The following STOX2 variants were observed in gnomAD, a reference collection of about 807,000 sequenced individuals.
The protein encoded by STOX2 is storkhead box 2.
Under a neutral mutation model 60.9 loss-of-function variants are expected in STOX2, and 28 were observed. That is an observed-to-expected ratio of 0.46 (90% CI 0.34 to 0.63). The LOEUF (loss-of-function observed/expected upper bound fraction) is 0.63. Among genes scored for constraint, STOX2 ranks in the 30% least tolerant of loss-of-function variants. STOX2 has a pLI of 0.01. For missense variants in STOX2, 1,024 were observed against 1,187.7 expected (o/e 0.86, Z 2.03); for synonymous variants, 472 against 463.9 (o/e 1.02, Z -0.22).
chr4:184,017,202 C>T lies in STOX2; in HGVS notation c.2699C>T (p.Ala900Val), dbSNP rs772398185. The T allele has an allele frequency of 6.2e-6, 10 of 1,612,500 alleles. No homozygotes were observed. Among genetic ancestry groups the T allele is most frequent in the South Asian group, 5.5e-5 (5 of 90,648 alleles). ...GGAGPAFNFR[A>V]SAEPPTNEAE... ...GCTGGTCCAGCCTTCAACTTCCGAG[C>T]GAGCGCGGAGCCCCCGACAAATGAA... The change falls in exon 4 of 4, where the codon GCG becomes GTG. Residue 900 changes from alanine (A) to valine (V), a missense_variant. By Grantham distance (64) the Ala-to-Val change is moderately conservative. Transcript: ENST00000308497.
At chr4:183,842,938 A>G (rs560424365) in intron 1 of STOX2, among the ~76,000 whole-genome samples, 169 of 152,244 alleles carry the variant, frequency 1.1e-3, no homozygotes, top group African/African-American at 3.9e-3. Flanking sequence ...TCACAAGGTC[A>G]GGAGTTCAAG....
chr4:183,853,550 AC>A (rs1740217685), intron 1 of STOX2: 1 of 152,228 alleles, frequency 6.6e-6, no homozygotes, highest in Non-Finnish European at 1.5e-5. Flanking sequence ...GAGATCCCAC[AC>A]CTTTCCTTGG....
At chr4:183,902,594 GGTTGTATA>G, upstream of STOX2, among the ~76,000 whole-genome samples, 1 of 152,208 alleles carries the variant, frequency 6.6e-6, no homozygotes, top group Non-Finnish European at 1.5e-5. Context: ...GGGACATAGG[GGTTGTATA>G]TGACCAGAGT....
rs1024907018 is a variant in STOX2, at chr4:183,905,606, G to A, written c.-1185G>A. 14 of 152,352 alleles carry A rather than the reference G, an allele frequency of 9.2e-5. No individual in the cohort carries two copies. The highest frequency in any genetic ancestry group is 2.6e-4 in the African/African-American group (11 of 41,574). The allele number at this position is 152,352 out of a possible 1,614,324, so 9.4% of individuals were successfully genotyped here. On this transcript the variant is annotated 5_prime_UTR_variant, in exon 1 of 4. Transcript: ENST00000308497. ...GCTGGCTCGCTGTCTCTCTCCGAGC[G>A]GGAGGGACCATCCTAAAAATATGTA...
chr4:183,949,261 CAAAT>C (rs1742995398), intron 1 of STOX2, among the ~76,000 whole-genome samples: 1 of 152,206 alleles, frequency 6.6e-6, no homozygotes, highest in Non-Finnish European at 1.5e-5. Flanking sequence ...AATTACAAAA[CAAAT>C]ACACAGGCTA....
intron 1 of STOX2, among the ~76,000 whole-genome samples, chr4:183,866,845 C>T (rs990854415): frequency 6.6e-6 from 1 of 152,148 alleles, no homozygotes; most frequent in Non-Finnish European, 1.5e-5. Flanking sequence ...GGTCACTACA[C>T]TCCAGCCTGA....
At chr4:183,835,670 A>G (rs538302951) in intron 1 of STOX2, among the ~76,000 whole-genome samples, 2 of 152,318 alleles carry the variant, frequency 1.3e-5, no homozygotes, top group Admixed American at 1.3e-4. Flanking sequence ...CAATAGAAAG[A>G]ACACTAGAAT....
rs1172352727 is a variant in STOX2 at position 183,994,022 on chromosome 4, G to C, written c.167-7303G>C. Among the ~76,000 whole-genome samples, 9 of 152,284 alleles carry C rather than the reference G, an allele frequency of 5.9e-5. No homozygotes were observed. In the East Asian group the frequency reaches 1.7e-3, roughly 29 times the overall value. Reference sequence around the variant, plus strand: ...AACAGCATTAATACATAAAATTGGGGTTAATAAATTGAATTAAATTGTAAA... The same window carrying C: ...AACAGCATTAATACATAAAATTGGGCTTAATAAATTGAATTAAATTGTAAA... On this transcript the variant is annotated intron_variant, in intron 1 of 3. Transcript: ENST00000308497.
intron 1 of STOX2, among the ~76,000 whole-genome samples, chr4:183,839,099 G>A (rs1164296774): frequency 6.6e-6 from 1 of 152,080 alleles, no homozygotes; most frequent in Non-Finnish European, 1.5e-5. Context: ...GAGACCCAGG[G>A]AAGAGTGGGT....
rs188742838 is a variant in STOX2 at position 183,938,266 on chromosome 4, A to G, written c.166+31310A>G. On this transcript the variant is annotated intron_variant, in intron 1 of 3. Transcript: ENST00000308497. Reference sequence around the variant, plus strand: ...CTACTGTAACTGTTATTAAAACAAAACATAAAAGCATTTTAGATACACATT... The same window carrying G: ...CTACTGTAACTGTTATTAAAACAAAGCATAAAAGCATTTTAGATACACATT... Among the ~76,000 whole-genome samples, 499 of 152,342 alleles carry G rather than the reference A, an allele frequency of 3.3e-3. 2 individuals carry two copies. Among genetic ancestry groups the G allele is most frequent in the Non-Finnish European group, 5.2e-3 (353 of 68,028 alleles).
intron 1 of STOX2, among the ~76,000 whole-genome samples, chr4:183,957,185 A>AT (rs1553981780): frequency 5.3e-5 from 8 of 149,690 alleles, no homozygotes; most frequent in South Asian, 2.1e-4. Context: ...AATAATAATA[A>AT]AAGAAAAAAC....
At chr4:183,989,135 G>T (rs1191299822) in intron 1 of STOX2, among the ~76,000 whole-genome samples, 1 of 151,614 alleles carries the variant, frequency 6.6e-6, no homozygotes, top group Non-Finnish European at 1.5e-5. Context: ...CTCTGAGGGA[G>T]GCATTCAGTA....
chr4:184,007,015 C>CAAAAAAAAAAA (rs61393267), intron 2 of STOX2, among the ~76,000 whole-genome samples: 15 of 52,766 alleles, frequency 2.8e-4, no homozygotes, highest in African/African-American at 1.1e-3. Flanking sequence ...GACTCTGTCT[C>CAAAAAAAAAAA]AAAAAAAAAA....
intron 1 of STOX2, among the ~76,000 whole-genome samples, chr4:183,986,575 G>C (rs1732850750): frequency 6.6e-6 from 1 of 152,278 alleles, no homozygotes; most frequent in Admixed American, 6.5e-5. Context: ...TATATAGTCT[G>C]CATGCCTGCT....
intron 1 of STOX2, among the ~76,000 whole-genome samples, chr4:183,932,920 G>A (rs914771443): frequency 1.3e-5 from 2 of 152,068 alleles, no homozygotes; most frequent in Non-Finnish European, 2.9e-5. Context: ...TGCAGAATAC[G>A]ACTTCAAAAA....
intron 1 of STOX2, among the ~76,000 whole-genome samples, chr4:183,961,788 T>C (rs1743421624): frequency 6.6e-6 from 1 of 152,242 alleles, no homozygotes; most frequent in Non-Finnish European, 1.5e-5. Context: ...GATACATAAA[T>C]GTGATAGCAT....
Position 184,009,049 on chromosome 4 carries a change from G to C in STOX2, c.320-109G>C. The C allele has an allele frequency of 1.2e-6, 1 of 849,448 alleles. No individual in the cohort carries two copies. The highest frequency in any genetic ancestry group is 2.7e-5 in the East Asian group (1 of 37,584). The allele number at this position is 849,448 out of a possible 1,614,324, so 52.6% of individuals were successfully genotyped here. A position where few individuals can be genotyped will look rare whatever the true frequency, so the allele number is the denominator to read the frequency against. On this transcript the variant is annotated intron_variant, in intron 2 of 3. Transcript: ENST00000308497. This position sits in a 1 kb window ranked among gnomAD's most constrained non-coding sequence, Gnocchi z 4.0. Reference sequence around the variant, plus strand: ...ACCTTTGTCTGAATTGTGCATCCTAGCTCTGTGATGGTACTTCGCATCTTG... The same window carrying C: ...ACCTTTGTCTGAATTGTGCATCCTACCTCTGTGATGGTACTTCGCATCTTG...
intron 1 of STOX2, among the ~76,000 whole-genome samples, chr4:183,941,296 G>A (rs758271380): frequency 2.0e-4 from 30 of 152,040 alleles, no homozygotes; most frequent in Non-Finnish European, 2.8e-4. Context: ...GGCCAGGCAC[G>A]GTGGCTCACA....
At chr4:183,831,938 C>T (rs564459029) in intron 1 of STOX2, among the ~76,000 whole-genome samples, 1 of 152,086 alleles carries the variant, frequency 6.6e-6, no homozygotes, top group South Asian at 2.1e-4. Flanking sequence ...CGGCCCCTCC[C>T]TGAAGCTTCT....
Sources: gnomAD v4.1 joint callset for allele counts (sites outside exome capture counted in the v4.1 genomes callset) on GRCh38, gnomAD v4.1.1 for gene constraint, Gnocchi (gnomAD v3.1) non-coding constraint, MANE v1.5 for transcripts, NCBI Gene and HGNC (gene_info 2026-07-23, HGNC 2026-07-21) for gene names.